The following FRMPD1 variants were observed in gnomAD, a reference collection of about 807,000 sequenced individuals.
The protein encoded by FRMPD1 is FERM and PDZ domain-containing protein 1.
Under a neutral mutation model 117.8 loss-of-function variants are expected in FRMPD1, and 76 were observed. The ratio of observed to expected loss-of-function variants is 0.65; its 90% CI spans 0.54 to 0.78. FRMPD1 has a LOEUF of 0.78. Ranked by LOEUF, FRMPD1 falls within the 30% of genes least tolerant of loss-of-function variation. The probability of loss-of-function intolerance (pLI) is 0.00; values close to 1 mark genes in which losing one functional copy is unlikely to be tolerated. For missense variants in FRMPD1, 1,786 were observed against 1,964.5 expected, an observed-to-expected ratio of 0.91 and a Z score of 1.72; for synonymous variants, 783 against 770.4, an observed-to-expected ratio of 1.02 and a Z score of -0.27.
intron 2 of FRMPD1, among the ~76,000 whole-genome samples, chr9:37,698,483 A>G (rs2118079297): frequency 6.7e-6 from 1 of 150,008 alleles, no homozygotes; most frequent in Non-Finnish European, 1.5e-5. Context: ...CATTGATGTA[A>G]CTGCCTACTT....
chr9:37,705,243 C>T (rs1168348529), intron 2 of FRMPD1, among the ~76,000 whole-genome samples: 1 of 152,058 alleles, frequency 6.6e-6, no homozygotes, highest in East Asian at 1.9e-4. Flanking sequence ...TTTTCCATTC[C>T]TGTGCTCATT....
At chr9:37,679,212 C>T (rs1794705847) in intron 1 of FRMPD1, among the ~76,000 whole-genome samples, 1 of 152,246 alleles carries the variant, frequency 6.6e-6, no homozygotes, top group Non-Finnish European at 1.5e-5. Flanking sequence ...CTGCCCAAAA[C>T]TGATAAGTCT....
At chr9:37,617,970 C>G in the FRMPD1 span, among the ~76,000 whole-genome samples, 4 of 152,176 alleles carry the variant, frequency 2.6e-5, no homozygotes, top group Non-Finnish European at 5.9e-5. Context: ...GTCTTCTCAG[C>G]TAGTGATGTT....
intron 5 of FRMPD1, 22 bp downstream of exon 5, chr9:37,711,417 G>C (rs562493423): frequency 6.4e-7 from 1 of 1,568,102 alleles, no homozygotes; most frequent in Non-Finnish European, 8.8e-7. Flanking sequence ...TCTATGTCCT[G>C]TGTGTTAGTT....
intron 7 of FRMPD1, among the ~76,000 whole-genome samples, chr9:37,726,522 A>G (rs905551898): frequency 4.6e-5 from 7 of 151,978 alleles, no homozygotes; most frequent in African/African-American, 1.5e-4. Context: ...ACATGGTAAA[A>G]CCCTGTCTCT....
the FRMPD1 span, among the ~76,000 whole-genome samples, chr9:37,613,350 T>C: frequency 1.3e-5 from 2 of 152,138 alleles, no homozygotes; most frequent in African/African-American, 4.8e-5. Context: ...AGGTGGTAGA[T>C]GAGATTGACA....
chr9:37,737,753 G>A (rs1019031705), intron 14 of FRMPD1, among the ~76,000 whole-genome samples: 2 of 149,984 alleles, frequency 1.3e-5, no homozygotes, highest in African/African-American at 2.5e-5. Flanking sequence ...AACCCAGGAA[G>A]TGGAGGTTGC....
the FRMPD1 span, chr9:37,636,955 G>C: frequency 6.3e-7 from 1 of 1,598,686 alleles, no homozygotes; most frequent in East Asian, 2.2e-5. Context: ...GCTTATTGAC[G>C]TTCTCGCTGG....
At chr9:37,609,880 T>C in the FRMPD1 span, among the ~76,000 whole-genome samples, 1 of 152,070 alleles carries the variant, frequency 6.6e-6, no homozygotes, top group Non-Finnish European at 1.5e-5. Flanking sequence ...GGCCCCAGAG[T>C]CTTGGCTCTG....
chr9:37,691,718 A>G (rs898588182), intron 1 of FRMPD1, among the ~76,000 whole-genome samples: 1 of 152,248 alleles, frequency 6.6e-6, no homozygotes, highest in African/African-American at 2.4e-5. Context: ...AGCCTGGCCA[A>G]CATGGTGAAA....
intron 6 of FRMPD1, among the ~76,000 whole-genome samples, chr9:37,722,318 A>G (rs933561918): frequency 6.6e-6 from 1 of 151,930 alleles, no homozygotes; most frequent in African/African-American, 2.4e-5. Context: ...AAAAAAAAAA[A>G]AGAGAGAGAT....
intron 1 of FRMPD1, among the ~76,000 whole-genome samples, chr9:37,659,778 A>G (rs1245182930): frequency 1.3e-5 from 2 of 152,008 alleles, no homozygotes; most frequent in Non-Finnish European, 2.9e-5. Context: ...AGCCTGTTTC[A>G]GAAGTTCCAT....
At chr9:37,677,475 C>A (rs1314554922) in intron 1 of FRMPD1, among the ~76,000 whole-genome samples, 1 of 152,162 alleles carries the variant, frequency 6.6e-6, no homozygotes, top group Non-Finnish European at 1.5e-5. Flanking sequence ...TTCTTTGTGC[C>A]ATGCATTCTG....
At chr9:37,648,269 T>C (rs1410106051), upstream of FRMPD1, among the ~76,000 whole-genome samples, 2 of 152,258 alleles carry the variant, frequency 1.3e-5, no homozygotes, top group East Asian at 3.9e-4. Flanking sequence ...AGACTACATT[T>C]TTTTTTAACA....
chr9:37,690,630 T>A (rs576785287), intron 1 of FRMPD1, among the ~76,000 whole-genome samples: 11 of 152,326 alleles, frequency 7.2e-5, no homozygotes, highest in Admixed American at 7.2e-4. Context: ...CCCGAAAATG[T>A]CAATATCTGA....
Position 37,745,079 on chromosome 9 carries a change from C to A in FRMPD1, c.3047C>A (p.Ser1016Tyr). 6.2e-7 allele frequency: 1 copy of A among 1,614,142 alleles called. No individual in the cohort carries two copies. Among genetic ancestry groups the A allele is most frequent in the Non-Finnish European group, 8.5e-7 (1 of 1,179,998 alleles). The change falls in exon 16 of 16, where the codon TCC becomes TAC. Residue 1016 changes from serine to tyrosine, a missense_variant. Transcript: ENST00000377765. ...IEHGDSSFSL[S>Y]SGDPNPDRAC... ...CATGGAGACAGCTCCTTCTCCCTCT[C>A]CAGTGGTGACCCTAACCCAGACAGA...
At position 37,671,720 on chromosome 9, in the gene FRMPD1, A is replaced by G. The variant is rs541187962; in HGVS notation, c.-5+20626A>G. Among the ~76,000 whole-genome samples the G allele has an allele frequency of 9.2e-5, 14 of 152,094 alleles. 1 individual carries two copies. Among genetic ancestry groups the G allele is most frequent in the Non-Finnish European group, 1.8e-4 (12 of 68,004 alleles). On this transcript the variant is annotated intron_variant, in intron 1 of 15. Transcript: ENST00000377765. ...GTGACTCACTCCTGTAATCTCAGCA[A>G]TTTGGGAGGCCGAGGCGGGTGGAAC...
At chr9:37,698,927 C>T (rs913146060) in intron 2 of FRMPD1, among the ~76,000 whole-genome samples, 2 of 151,946 alleles carry the variant, frequency 1.3e-5, no homozygotes, top group Non-Finnish European at 2.9e-5. Flanking sequence ...TTAGTAGAGA[C>T]AGGGTTTCTC....
the FRMPD1 span, among the ~76,000 whole-genome samples, chr9:37,611,396 A>AATTCTT: frequency 6.6e-6 from 1 of 152,218 alleles, no homozygotes; most frequent in African/African-American, 2.4e-5. Context: ...CAACAGGTTA[A>AATTCTT]GAATCATTGC....
Sources: allele counts gnomAD v4.1 joint callset (sites outside exome capture counted in the v4.1 genomes callset), GRCh38; gene constraint gnomAD v4.1.1; transcripts MANE v1.5; gene names NCBI Gene and HGNC (gene_info 2026-07-23, HGNC 2026-07-21).